The following PIP5K1B variants were observed in gnomAD, a reference collection of about 807,000 sequenced individuals.
The protein encoded by PIP5K1B is phosphatidylinositol 4-phosphate 5-kinase type-1 beta.
Under a neutral mutation model 67.0 loss-of-function variants are expected in PIP5K1B, and 42 were observed. The observed-to-expected ratio is 0.63, with a 90% CI of 0.49 to 0.81. The LOEUF is 0.81. Among genes scored for constraint, PIP5K1B ranks in the 30% least tolerant of loss-of-function variants. PIP5K1B has a pLI of 0.00. For missense variants in PIP5K1B, 459 were observed against 646.3 expected, an observed-to-expected ratio of 0.71 and a Z score of 3.14; for synonymous variants, 214 against 231.4, an observed-to-expected ratio of 0.92 and a Z score of 0.68.
chr9:68,914,146 T>C (rs115373575), intron 8 of PIP5K1B, among the ~76,000 whole-genome samples: 132 of 152,284 alleles, frequency 8.7e-4, no homozygotes, highest in African/African-American at 3.1e-3. Context: ...TTTGCAGAGG[T>C]TGAATATTGC....
At chr9:68,774,617 A>G (rs115383935) in intron 2 of PIP5K1B, among the ~76,000 whole-genome samples, 1 of 152,200 alleles carries the variant, frequency 6.6e-6, no homozygotes, top group Non-Finnish European at 1.5e-5. Context: ...ACTAGCACAC[A>G]TATCAGGATA....
intron 9 of PIP5K1B, among the ~76,000 whole-genome samples, chr9:68,918,909 A>T (rs1826232540): frequency 6.6e-6 from 1 of 152,176 alleles, no homozygotes; most frequent in Non-Finnish European, 1.5e-5. Context: ...TTTAGCAAGT[A>T]AAAAAATCAG....
intron 5 of PIP5K1B, among the ~76,000 whole-genome samples, chr9:68,876,120 A>C (rs1823882498): frequency 6.6e-6 from 1 of 152,236 alleles, no homozygotes; most frequent in South Asian, 2.1e-4. Context: ...TGATATATTG[A>C]GGAATGGAAA....
chr9:68,818,965 A>G (rs1042874080), intron 3 of PIP5K1B, among the ~76,000 whole-genome samples: 2 of 152,210 alleles, frequency 1.3e-5, no homozygotes, highest in South Asian at 2.1e-4. Flanking sequence ...TTATGTGTAC[A>G]TGGAAAATAC....
chr9:68,706,973 A>G (rs1488408224), intron 1 of PIP5K1B, among the ~76,000 whole-genome samples: 2 of 152,148 alleles, frequency 1.3e-5, no homozygotes, highest in Non-Finnish European at 2.9e-5. Context: ...TTAGGACTCT[A>G]ATGTGATGAA....
At chr9:68,993,204 C>G (rs1052240882) in intron 15 of PIP5K1B, among the ~76,000 whole-genome samples, 3 of 152,116 alleles carry the variant, frequency 2.0e-5, no homozygotes, top group Admixed American at 2.0e-4. Context: ...GTCTGGTCTC[C>G]CCTGCATCTC....
At chr9:68,910,714 A>G (rs1825809045) in intron 8 of PIP5K1B, among the ~76,000 whole-genome samples, 1 of 152,220 alleles carries the variant, frequency 6.6e-6, no homozygotes, top group African/African-American at 2.4e-5. Flanking sequence ...CAGAGGGGAG[A>G]CATATCCCAA....
intron 8 of PIP5K1B, among the ~76,000 whole-genome samples, chr9:68,915,818 T>G (rs924038551): frequency 6.6e-6 from 1 of 152,200 alleles, no homozygotes; most frequent in East Asian, 1.9e-4. Context: ...CTGGAATAAT[T>G]GATACCCATT....
chr9:68,793,992 T>G (rs1832147577), intron 2 of PIP5K1B, among the ~76,000 whole-genome samples: 1 of 152,186 alleles, frequency 6.6e-6, no homozygotes, highest in African/African-American at 2.4e-5. Flanking sequence ...CACGGCGCTT[T>G]AGAAACCATG....
At chr9:68,723,694 G>GTTTTTTTTTTTTTTTTTT (rs1224332057) in intron 1 of PIP5K1B, among the ~76,000 whole-genome samples, 4 of 36,708 alleles carry the variant, frequency 1.1e-4, no homozygotes, top group Admixed American at 9.2e-4. Flanking sequence ...TGAAGTATTT[G>GTTTTTTTTTTTTTTTTTT]GTTTTTTTTT....
chr9:68,996,080 T>C (rs1311448256), intron 15 of PIP5K1B, among the ~76,000 whole-genome samples: 1 of 152,242 alleles, frequency 6.6e-6, no homozygotes, highest in Admixed American at 6.5e-5. Context: ...AGTGCTTTTA[T>C]TTATACAGTA....
chr9:68,968,851 C>T (rs982350718), intron 14 of PIP5K1B, among the ~76,000 whole-genome samples: 1 of 151,990 alleles, frequency 6.6e-6, no homozygotes, highest in African/African-American at 2.4e-5. Context: ...AAGCACTGAA[C>T]CTCTCCAAGA....
rs149276008 is a variant in PIP5K1B at position 68,905,764 on chromosome 9, A to G, written c.771+11126A>G. Among the ~76,000 whole-genome samples, 885 of 152,280 alleles carry G rather than the reference A, an allele frequency of 5.8e-3. 10 individuals are homozygous for G. The highest frequency in any genetic ancestry group is 0.02 in the African/African-American group (833 of 41,556). On this transcript the variant is annotated intron_variant, in intron 8 of 15. Transcript: ENST00000265382. Reference sequence around the variant, plus strand: ...TTCATTCAACATCCAGGGCACATTTATGGAGTACCGATGGTGCTGTAGGAC... The same window carrying G: ...TTCATTCAACATCCAGGGCACATTTGTGGAGTACCGATGGTGCTGTAGGAC...
At chr9:68,870,757 G>A (rs1363137898) in intron 5 of PIP5K1B, among the ~76,000 whole-genome samples, 1 of 152,164 alleles carries the variant, frequency 6.6e-6, no homozygotes, top group Non-Finnish European at 1.5e-5. Context: ...TCATACAGAG[G>A]GTAAGGTCAT....
At chr9:68,786,011 T>C (rs1305534264) in intron 2 of PIP5K1B, 1 of 152,224 alleles carries the variant, frequency 6.6e-6, no homozygotes, top group Non-Finnish European at 1.5e-5. Flanking sequence ...TATTCTTCTT[T>C]TTATAGGTGA....
chr9:68,771,308 TC>T (rs952346641), intron 2 of PIP5K1B, among the ~76,000 whole-genome samples: 2 of 152,250 alleles, frequency 1.3e-5, no homozygotes, highest in African/African-American at 4.8e-5. Context: ...CTCGCTAGTA[TC>T]TGTAAGCCTA....
chr9:68,994,480 C>T lies in PIP5K1B; in HGVS notation c.1620+3223C>T, dbSNP rs146065488. 4.2e-4 allele frequency among the ~76,000 whole-genome samples: 64 copies of T among 152,038 alleles called. 1 individual carries two copies. The East Asian group carries it at 0.011, about 26-fold the overall frequency. Reference sequence around the variant, plus strand: ...GCATTCTTTTATATTTCTGCAAATCCCTAATGTCTGGCTTAATGGAAGAAA... The same window carrying T: ...GCATTCTTTTATATTTCTGCAAATCTCTAATGTCTGGCTTAATGGAAGAAA... On this transcript the variant is annotated intron_variant, in intron 15 of 15. Coordinates refer to ENST00000265382, the MANE Select transcript of PIP5K1B (RefSeq NM_003558.4).
intron 1 of PIP5K1B, among the ~76,000 whole-genome samples, chr9:68,723,648 G>T (rs1827998644): frequency 7.0e-6 from 1 of 142,456 alleles, no homozygotes. Flanking sequence ...CTTCTTTTGA[G>T]AAATGTCTAT....
chr9:68,801,880 C>T (rs541568721), intron 2 of PIP5K1B, among the ~76,000 whole-genome samples: 30 of 152,320 alleles, frequency 2.0e-4, no homozygotes, highest in Non-Finnish European at 3.5e-4. Flanking sequence ...CAGCGCATTT[C>T]GGCCCTTGTG....
Sources: gnomAD v4.1 joint callset for allele counts (sites outside exome capture counted in the v4.1 genomes callset) on GRCh38, gnomAD v4.1.1 for gene constraint, MANE v1.5 for transcripts, NCBI Gene and HGNC (gene_info 2026-07-23, HGNC 2026-07-21) for gene names.